The following ANO2 variants were observed in gnomAD, a reference collection of about 807,000 sequenced individuals.
The protein encoded by ANO2 is anoctamin-2.
ANO2 carries 101 observed loss-of-function variants against 124.2 expected under a neutral mutation model. The ratio of observed to expected loss-of-function variants is 0.81; its 90% CI spans 0.69 to 0.96. The LOEUF (loss-of-function observed/expected upper bound fraction) is 0.96. Among genes scored for constraint, ANO2 ranks in the 40% least tolerant of loss-of-function variants. ANO2 has a pLI of 0.00. For synonymous variants in ANO2, 486 were observed against 482.5 expected, an observed-to-expected ratio of 1.01 and a Z score of -0.09; for missense variants, 1,293 against 1,274.5, an observed-to-expected ratio of 1.01 and a Z score of -0.22.
chr12:5,782,798 T>C (rs1251088785), intron 10 of ANO2, among the ~76,000 whole-genome samples: 3 of 152,300 alleles, frequency 2.0e-5, no homozygotes, highest in Non-Finnish European at 2.9e-5. Context: ...CAGGGTATGT[T>C]GGGAGTTGAA....
At chr12:5,898,965 T>C (rs1408661846) in intron 3 of ANO2, among the ~76,000 whole-genome samples, 6 of 152,100 alleles carry the variant, frequency 3.9e-5, no homozygotes, top group Admixed American at 3.9e-4. Context: ...CTAGAGGGGT[T>C]AATGGGGTTT....
rs117249340 is a variant in ANO2, at chr12:5,850,566, A to C, written c.633+3477T>G. Among the ~76,000 whole-genome samples the C allele has an allele frequency of 8.1e-4, 123 of 152,274 alleles. 2 individuals are homozygous for C. The East Asian group carries it at 0.017, about 21-fold the overall frequency. On this transcript the variant is annotated intron_variant, in intron 4 of 24. Transcript: ENST00000682330. ...TTATCTGCAGCCTTGGGGGGCAATC[A>C]CATGCTTTGCCTCTCCCTACTCCCT...
intron 3 of ANO2, among the ~76,000 whole-genome samples, chr12:5,893,214 T>A (rs1054581917): frequency 2.0e-5 from 3 of 152,008 alleles, no homozygotes; most frequent in African/African-American, 7.2e-5. Flanking sequence ...CAAAAGCAAA[T>A]GCAACAATAA....
chr12:5,799,428 C>T, intron 10 of ANO2, 79 bp downstream of exon 10: 2 of 1,222,664 alleles, frequency 1.6e-6, no homozygotes, highest in East Asian at 2.4e-5. Flanking sequence ...AAAGGACTGT[C>T]AGAGTCAAAA....
chr12:5,691,789 G>A (rs1948953014), intron 14 of ANO2, among the ~76,000 whole-genome samples: 1 of 152,116 alleles, frequency 6.6e-6, no homozygotes, highest in Non-Finnish European at 1.5e-5. Context: ...TGTAATTTCA[G>A]CTACTTGGGA....
Position 5,587,488 on chromosome 12 carries a change from C to A in ANO2, c.2234-8970G>T, listed in dbSNP as rs773454720. Reference sequence around the variant, plus strand: ...AAGCAAATGAAGAATTTCCTCTCATCAGCCCTGAGGAAAACCCCATGACAG... The same window carrying A: ...AAGCAAATGAAGAATTTCCTCTCATAAGCCCTGAGGAAAACCCCATGACAG... On this transcript the variant is annotated intron_variant, in intron 20 of 24. Transcript: ENST00000682330. Among the ~76,000 whole-genome samples the A allele has an allele frequency of 5.3e-5, 8 of 152,248 alleles. No individual in the cohort carries two copies. In the East Asian group the frequency reaches 1.2e-3, roughly 22 times the overall value.
At chr12:5,939,088 G>A (rs1049486818) in intron 1 of ANO2, among the ~76,000 whole-genome samples, 13 of 150,798 alleles carry the variant, frequency 8.6e-5, no homozygotes, top group South Asian at 4.2e-4. Flanking sequence ...GTAGTGGTGC[G>A]CGCCTGTAGT....
rs529947204 is a variant in ANO2 at position 5,679,057 on chromosome 12, T to A, written c.1546-31256A>T. On this transcript the variant is annotated intron_variant, in intron 14 of 24. Coordinates refer to ENST00000682330, the MANE Select transcript of ANO2 (RefSeq NM_001364791.2). The stretch of plus-strand genomic sequence containing the variant: ...AAAAGTATGACACGACCTCTAAAAC[T>A]CAGACAGCATTGACATATGTGTAAC... Among the ~76,000 whole-genome samples the A allele has an allele frequency of 1.4e-4, 21 of 152,338 alleles. No homozygotes were observed. The South Asian group carries it at 1.9e-3, about 14-fold the overall frequency.
chr12:5,597,653 T>C (rs376213436), intron 20 of ANO2, among the ~76,000 whole-genome samples: 24 of 152,258 alleles, frequency 1.6e-4, no homozygotes, highest in East Asian at 1.4e-3. Flanking sequence ...ACACAGCTAA[T>C]TGGTGGCGAC....
chr12:5,720,660 T>C (rs893810629), intron 14 of ANO2, among the ~76,000 whole-genome samples: 8 of 152,190 alleles, frequency 5.3e-5, no homozygotes, highest in East Asian at 1.9e-4. Context: ...CCAGAAGCCA[T>C]GAGGGTCTGG....
At chr12:5,752,428 T>C (rs565901134) in intron 10 of ANO2, among the ~76,000 whole-genome samples, 30 of 152,356 alleles carry the variant, frequency 2.0e-4, no homozygotes, top group African/African-American at 7.0e-4. Context: ...TATCTCACTG[T>C]GGTTTTGATT....
In ANO2 at chr12:5,769,394, G is replaced by C. The variant is rs1278090883; in HGVS notation, c.1056-18424C>G. On this transcript the variant is annotated intron_variant, in intron 10 of 24. Coordinates refer to ENST00000682330, the MANE Select transcript of ANO2 (RefSeq NM_001364791.2). The surrounding 1 kb of genome is among the most constrained non-coding windows in gnomAD (Gnocchi z 4.0). The stretch of plus-strand genomic sequence containing the variant: ...CCAAAGACCAAGAAAGAGAGCCAGG[G>C]GCCAGACGAGCAAACACTGAGTTCA... 7.9e-5 allele frequency among the ~76,000 whole-genome samples: 12 copies of C among 152,098 alleles called. No individual in the cohort carries two copies. The highest frequency in any genetic ancestry group is 7.9e-4 in the Admixed American group (12 of 15,268).
chr12:5,584,297 C>T (rs563447382), intron 20 of ANO2, among the ~76,000 whole-genome samples: 3 of 152,240 alleles, frequency 2.0e-5, no homozygotes, highest in East Asian at 1.9e-4. Context: ...CCAGAGCTCC[C>T]GGAGGGCCCT....
intron 20 of ANO2, among the ~76,000 whole-genome samples, chr12:5,594,020 G>A (rs1166754626): frequency 1.3e-5 from 2 of 152,138 alleles, no homozygotes; most frequent in Non-Finnish European, 2.9e-5. Flanking sequence ...AGAAAACATT[G>A]TCCTCACACT....
chr12:5,643,616 G>C (rs1946495177), intron 15 of ANO2, among the ~76,000 whole-genome samples: 1 of 152,182 alleles, frequency 6.6e-6, no homozygotes, highest in African/African-American at 2.4e-5. Context: ...AGTTTCACTA[G>C]ATAATGCCAA....
At chr12:5,924,761 A>G (rs181944754) in intron 1 of ANO2, among the ~76,000 whole-genome samples, 1 of 152,308 alleles carries the variant, frequency 6.6e-6, no homozygotes, top group East Asian at 1.9e-4. Flanking sequence ...TTCTCTTGCA[A>G]CATGCAGATT....
intron 3 of ANO2, among the ~76,000 whole-genome samples, chr12:5,890,925 C>T (rs1004711089): frequency 6.6e-6 from 1 of 152,160 alleles, no homozygotes; most frequent in African/African-American, 2.4e-5. Flanking sequence ...CCATATTTTA[C>T]AAGTCACAGC....
chr12:5,908,459 C>T lies in ANO2; in HGVS notation c.534+12581G>A, dbSNP rs956294341. Among the ~76,000 whole-genome samples the T allele has an allele frequency of 6.6e-6, 1 of 152,194 alleles. No homozygotes were observed. Among genetic ancestry groups the T allele is most frequent in the Non-Finnish European group, 1.5e-5 (1 of 68,044 alleles). On this transcript the variant is annotated intron_variant, in intron 3 of 24. Coordinates refer to ENST00000682330, the MANE Select transcript of ANO2 (RefSeq NM_001364791.2). The surrounding 1 kb of genome is among the most constrained non-coding windows in gnomAD (Gnocchi z 4.7). ...AGTCACCCTATCCAAGCCGAGAGTC[C>T]GACTGCCCAGGGTGCTGGGCTGGAC...
intron 16 of ANO2, among the ~76,000 whole-genome samples, chr12:5,624,922 G>C (rs1466169793): frequency 6.6e-6 from 1 of 152,160 alleles, no homozygotes; most frequent in African/African-American, 2.4e-5. Context: ...CAGCCCCAGG[G>C]GCTGGGGAGA....
Sources: gnomAD v4.1 joint callset for allele counts (sites outside exome capture counted in the v4.1 genomes callset) on GRCh38, gnomAD v4.1.1 for gene constraint, Gnocchi (gnomAD v3.1) non-coding constraint, MANE v1.5 for transcripts, NCBI Gene and HGNC (gene_info 2026-07-23, HGNC 2026-07-21) for gene names.